ZBTB20: variants seen among roughly 807,000 people sequenced by gnomAD.
ZBTB20 encodes the protein zinc finger and BTB domain-containing protein 20.
A neutral mutation model predicts 56.9 loss-of-function variants in ZBTB20; 9 were observed. The observed-to-expected ratio is 0.16, with a 90% CI of 0.10 to 0.28. ZBTB20 has a LOEUF of 0.28. Ranked by LOEUF, ZBTB20 falls within the 10% of genes least tolerant of loss-of-function variation. ZBTB20 has a pLI of 1.00. For missense variants in ZBTB20, 655 were observed against 1,003.0 expected, an observed-to-expected ratio of 0.65 and a Z score of 4.69; for synonymous variants, 417 against 420.7, an observed-to-expected ratio of 0.99 and a Z score of 0.11.
At chr3:115,044,895 T>C (rs1278186361) in intron 2 of ZBTB20, among the ~76,000 whole-genome samples, 1 of 152,198 alleles carries the variant, frequency 6.6e-6, no homozygotes, top group Non-Finnish European at 1.5e-5. Flanking sequence ...TATGTACTCA[T>C]TTGTAGGTGG....
At chr3:114,468,053 T>C (rs11919989) in intron 7 of ZBTB20, among the ~76,000 whole-genome samples, 8,853 of 152,274 alleles carry the variant, frequency 0.058, 853 homozygotes, top group African/African-American at 0.2. Context: ...GTATTTTTTC[T>C]GTTCCAAGAT....
intron 5 of ZBTB20, among the ~76,000 whole-genome samples, chr3:114,735,096 A>T (rs1395973931): frequency 6.6e-6 from 1 of 151,970 alleles, no homozygotes. Context: ...ATACAAAAAT[A>T]CATTGATTTT....
chr3:114,696,018 T>C (rs1195987275), intron 5 of ZBTB20, among the ~76,000 whole-genome samples: 1 of 152,076 alleles, frequency 6.6e-6, no homozygotes, highest in Non-Finnish European at 1.5e-5. Flanking sequence ...TAAATATATA[T>C]ATACTAGCTT....
chr3:114,942,147 T>A (rs1471863798), intron 3 of ZBTB20, among the ~76,000 whole-genome samples: 1 of 145,904 alleles, frequency 6.9e-6, no homozygotes, highest in Non-Finnish European at 1.5e-5. Flanking sequence ...GTTTAATAAA[T>A]AATTTCGTTA....
At chr3:114,597,655 T>C (rs1344264888) in intron 6 of ZBTB20, among the ~76,000 whole-genome samples, 3 of 152,114 alleles carry the variant, frequency 2.0e-5, no homozygotes, top group Admixed American at 2.0e-4. Flanking sequence ...TCTGTTTTGG[T>C]TTTTAACCTG....
At chr3:114,712,155 C>A (rs1262990507) in intron 5 of ZBTB20, among the ~76,000 whole-genome samples, 1 of 152,040 alleles carries the variant, frequency 6.6e-6, no homozygotes, top group African/African-American at 2.4e-5. Flanking sequence ...GGATTTCTAC[C>A]CTGTTTCTGT....
intron 3 of ZBTB20, among the ~76,000 whole-genome samples, chr3:114,965,215 T>C (rs898132930): frequency 6.6e-6 from 1 of 152,232 alleles, no homozygotes; most frequent in Non-Finnish European, 1.5e-5. Flanking sequence ...TTTTGTTTTT[T>C]AAATTTTAAT....
intron 4 of ZBTB20, among the ~76,000 whole-genome samples, chr3:114,875,260 T>C (rs1321997343): frequency 6.6e-6 from 1 of 152,162 alleles, no homozygotes; most frequent in Non-Finnish European, 1.5e-5. Flanking sequence ...ATAACAATAA[T>C]AAGCACTAAG....
At chr3:114,684,841 T>C (rs1015415141) in intron 6 of ZBTB20, among the ~76,000 whole-genome samples, 4 of 152,034 alleles carry the variant, frequency 2.6e-5, no homozygotes, top group Non-Finnish European at 5.9e-5. Context: ...TGAACACACA[T>C]GTCTTCCCTT....
At chr3:114,752,187 TAAAGATCACACAGATAGA>T (rs796819509) in intron 5 of ZBTB20, among the ~76,000 whole-genome samples, 1 of 152,028 alleles carries the variant, frequency 6.6e-6, no homozygotes, top group South Asian at 2.1e-4. Flanking sequence ...AATAATTTGG[TAAAGATCACACAGATAGA>T]AAAGAGGTAC....
At position 114,446,663 on chromosome 3, in the gene ZBTB20, G is replaced by A. The variant is rs12107143; in HGVS notation, c.-255+53689C>T. ...TCTCTCTTTCTTCATGTAAGTGTTT[G>A]ACAAAAGCATGTATCTTCTGAGAAG... On this transcript the variant is annotated intron_variant, in intron 7 of 11. Coordinates refer to ENST00000675478, the MANE Select transcript of ZBTB20 (RefSeq NM_001348800.3). Among the ~76,000 whole-genome samples, 442 of 152,236 alleles carry A rather than the reference G, an allele frequency of 2.9e-3. 1 individual carries two copies. The highest frequency in any genetic ancestry group is 1.0e-2 in the African/African-American group (415 of 41,548).
chr3:114,550,676 AT>A (rs2050463651), intron 6 of ZBTB20, among the ~76,000 whole-genome samples: 1 of 151,950 alleles, frequency 6.6e-6, no homozygotes, highest in South Asian at 2.1e-4. Flanking sequence ...TGATCTCTTT[AT>A]TTTCCTTCAG....
chr3:115,114,534 A>C (rs1321759972), intron 1 of ZBTB20, among the ~76,000 whole-genome samples: 1 of 152,172 alleles, frequency 6.6e-6, no homozygotes, highest in Non-Finnish European at 1.5e-5. Context: ...TTTTTAACAA[A>C]AGGATTTTAA....
chr3:115,006,221 C>A (rs941944131), intron 2 of ZBTB20, among the ~76,000 whole-genome samples: 4 of 151,590 alleles, frequency 2.6e-5, no homozygotes, highest in Admixed American at 6.6e-5. Context: ...AAAATAACTT[C>A]TTTATGTACA....
At chr3:114,668,394 A>G (rs981857366) in intron 6 of ZBTB20, among the ~76,000 whole-genome samples, 4 of 152,010 alleles carry the variant, frequency 2.6e-5, no homozygotes, top group African/African-American at 7.2e-5. Context: ...ACTGTCAATA[A>G]TAAGTTGCCT....
chr3:115,062,840 T>C (rs2082061029), intron 2 of ZBTB20, among the ~76,000 whole-genome samples: 1 of 152,178 alleles, frequency 6.6e-6, no homozygotes, highest in Non-Finnish European at 1.5e-5. Context: ...GCACTAGCCA[T>C]GCAAAGTTTT....
At chr3:114,534,308 G>C (rs1348389778) in intron 6 of ZBTB20, among the ~76,000 whole-genome samples, 1 of 150,756 alleles carries the variant, frequency 6.6e-6, no homozygotes, top group Non-Finnish European at 1.5e-5. Flanking sequence ...CAAGCAAATG[G>C]AAAGCAAAAA....
chr3:114,858,572 A>G (rs1226598237), intron 4 of ZBTB20, among the ~76,000 whole-genome samples: 1 of 151,650 alleles, frequency 6.6e-6, no homozygotes, highest in Admixed American at 6.6e-5. Context: ...GAAATCATGG[A>G]CATCATATTT....
intron 6 of ZBTB20, among the ~76,000 whole-genome samples, chr3:114,614,077 G>A (rs923414793): frequency 1.6e-4 from 25 of 152,128 alleles, no homozygotes; most frequent in African/African-American, 4.1e-4. Flanking sequence ...TAGAATCTAC[G>A]TAGTCTTCAC....
Sources: gnomAD v4.1 joint callset for allele counts (sites outside exome capture counted in the v4.1 genomes callset) on GRCh38, gnomAD v4.1.1 for gene constraint, MANE v1.5 for transcripts, NCBI Gene and HGNC (gene_info 2026-07-23, HGNC 2026-07-21) for gene names.